MMUT: variants seen among roughly 807,000 people sequenced by gnomAD.
MMUT encodes the protein methylmalonyl-CoA mutase, mitochondrial.
Under a neutral mutation model 79.9 loss-of-function variants are expected in MMUT, and 79 were observed. The observed-to-expected ratio is 0.99, with a 90% CI of 0.82 to 1.19. MMUT has a LOEUF of 1.19. Ranked by LOEUF, MMUT falls within the 50% of genes most tolerant of loss-of-function variation. MMUT has a pLI of 0.00. For missense variants in MMUT, 860 were observed against 917.2 expected, an observed-to-expected ratio of 0.94 and a Z score of 0.81; for synonymous variants, 273 against 295.7, an observed-to-expected ratio of 0.92 and a Z score of 0.79.
chr6:49,453,925 A>T (rs1436792727), intron 4 of MMUT, among the ~76,000 whole-genome samples, 169 bp from the exon 5 acceptor site: 4 of 152,242 alleles, frequency 2.6e-5, no homozygotes, highest in Non-Finnish European at 5.9e-5. Context: ...TAAACCTAAC[A>T]TAAAATTACA....
At chr6:49,439,531 C>A (rs1015376859) in intron 11 of MMUT, among the ~76,000 whole-genome samples, 2 of 152,100 alleles carry the variant, frequency 1.3e-5, no homozygotes, top group Non-Finnish European at 2.9e-5. Flanking sequence ...ATTCTGGACC[C>A]CACTCAAAAC....
At chr6:49,444,387 T>G (rs1767355176) in intron 9 of MMUT, among the ~76,000 whole-genome samples, 1 of 152,110 alleles carries the variant, frequency 6.6e-6, no homozygotes, top group South Asian at 2.1e-4. Context: ...ATCAGTGAAA[T>G]GGATTCATTT....
chr6:49,444,770 A>G lies in MMUT; in HGVS notation c.1561-16T>C. The G allele has an allele frequency of 6.3e-7, 1 of 1,578,368 alleles. No homozygotes were observed. ...TGGATTTGATCTATGGAAAAAGTCA[A>G]GGAAAGGGACAATTTACATGAAGAG... On this transcript the variant is annotated splice_polypyrimidine_tract_variant and intron_variant, in intron 8 of 12. Coordinates refer to ENST00000274813, the MANE Select transcript of MMUT (RefSeq NM_000255.4).
In MMUT at chr6:49,431,776, C is replaced by T. The variant is rs756952588; in HGVS notation, c.2205G>A (p.Val735=). The T allele has an allele frequency of 1.9e-6, 3 of 1,613,986 alleles. No individual in the cohort carries two copies. Among genetic ancestry groups the T allele is most frequent in the Admixed American group, 1.7e-5 (1 of 60,014 alleles). ...CCAAACACTTCTCAATATCATCAAGCACCTGAACGGCAGCCTTTGGAATTC... is the reference window on the plus strand; with the variant it reads ...CCAAACACTTCTCAATATCATCAAGTACCTGAACGGCAGCCTTTGGAATTC... ...GTRIPKAAVQ[V]LDDIEKCLEK... Residue 735 remains valine, a synonymous_variant, in exon 13 of 13, where the codon GTG becomes GTA. Coordinates refer to ENST00000274813, the MANE Select transcript of MMUT (RefSeq NM_000255.4).
rs577538966 is a variant in MMUT, at chr6:49,452,525, G to A, written c.1084-811C>T. On this transcript the variant is annotated intron_variant, in intron 5 of 12. Transcript: ENST00000274813. ...TTTTTTTGTATTTTTAGTAGAGACGGGGTTTCACCATGTTAGCCAGGATGA... is the reference window on the plus strand; with the variant it reads ...TTTTTTTGTATTTTTAGTAGAGACGAGGTTTCACCATGTTAGCCAGGATGA... 9.9e-5 allele frequency among the ~76,000 whole-genome samples: 15 copies of A among 152,060 alleles called. No homozygotes were observed. In the East Asian group the frequency reaches 2.1e-3, roughly 22 times the overall value.
Position 49,441,969 on chromosome 6 carries a change from C to A in MMUT, c.1679G>T (p.Cys560Phe), listed in dbSNP as rs1238333040. 6.2e-7 allele frequency: 1 copy of A among 1,608,866 alleles called. No homozygotes were observed. Among genetic ancestry groups the A allele is most frequent in the Non-Finnish European group, 8.5e-7 (1 of 1,175,986 alleles). ...ALAVDASRAR[C>F]TVGEITDALK... ...GGCATCTGTGATTTCTCCCACTGTA[C>A]ATCTGAAACATGAAATGGTGGTTCC... Residue 560 changes from cysteine (C) to phenylalanine (F), a missense_variant and splice_region_variant, in exon 10 of 13, where the codon TGT (cysteine) becomes TTT (phenylalanine). Transcript: ENST00000274813.
intron 2 of MMUT, among the ~76,000 whole-genome samples, chr6:49,458,519 T>C (rs1327463169): frequency 6.6e-6 from 1 of 152,224 alleles, no homozygotes; most frequent in East Asian, 1.9e-4. Flanking sequence ...ATGACCATCG[T>C]ACAAAATTTT....
intron 11 of MMUT, among the ~76,000 whole-genome samples, chr6:49,438,421 T>C (rs1412425943): frequency 6.6e-6 from 1 of 152,176 alleles, no homozygotes; most frequent in Non-Finnish European, 1.5e-5. Flanking sequence ...CAAAACACTT[T>C]TCACCAATCC....
At chr6:49,431,948 C>A in intron 12 of MMUT, 92 bp from the exon 13 acceptor site, 3 of 1,439,456 alleles carry the variant, frequency 2.1e-6, no homozygotes, top group East Asian at 4.7e-5. Flanking sequence ...ACTCAATTAC[C>A]CAAAACCTTC....
chr6:49,456,400 T>A (rs1767691609), intron 3 of MMUT, among the ~76,000 whole-genome samples, 163 bp from the exon 4 acceptor site: 1 of 152,238 alleles, frequency 6.6e-6, no homozygotes, highest in African/African-American at 2.4e-5. Flanking sequence ...TTGTTACATT[T>A]AATTTGCTTT....
chr6:49,438,860 T>A (rs1265859659), intron 11 of MMUT, among the ~76,000 whole-genome samples: 1 of 152,122 alleles, frequency 6.6e-6, no homozygotes, highest in African/African-American at 2.4e-5. Context: ...CTTTCTCCCG[T>A]GGTGGATGCT....
Position 49,453,869 on chromosome 6 carries a change from G to A in MMUT, c.912-113C>T, listed in dbSNP as rs911103457. 10 of 906,334 alleles carry A rather than the reference G, an allele frequency of 1.1e-5. No homozygotes were observed. In the African/African-American group the frequency reaches 1.7e-4, roughly 15 times the overall value. 56.1% of individuals were successfully genotyped at this position (906,334 alleles called of 1,614,324 possible). On this transcript the variant is annotated intron_variant, in intron 4 of 12. Coordinates refer to ENST00000274813, the MANE Select transcript of MMUT (RefSeq NM_000255.4). ...TCAAGGTCTATATTTTAATTTCGAA[G>A]AACTTAATTTGAATTAAGATCAGTG...
intron 10 of MMUT, 129 bp from the exon 11 acceptor site, chr6:49,440,482 T>G: frequency 1.9e-6 from 2 of 1,058,206 alleles, no homozygotes; most frequent in Non-Finnish European, 2.7e-6. Flanking sequence ...ACTTGTATTT[T>G]GGGTTGTTTT....
chr6:49,459,536 T>G, intron 1 of MMUT, 31 bp from the exon 2 acceptor site: 1 of 1,531,334 alleles, frequency 6.5e-7, no homozygotes, highest in Non-Finnish European at 8.9e-7. Flanking sequence ...TAAAAACATT[T>G]AGAAGAGGGG....
At chr6:49,432,905 C>A (rs1767024018) in intron 12 of MMUT, among the ~76,000 whole-genome samples, 1 of 152,130 alleles carries the variant, frequency 6.6e-6, no homozygotes, top group Non-Finnish European at 1.5e-5. Context: ...TTTTTAAGAG[C>A]ACCCATTTCT....
intron 10 of MMUT, among the ~76,000 whole-genome samples, chr6:49,441,197 T>C (rs1289174507): frequency 6.6e-6 from 1 of 152,176 alleles, no homozygotes; most frequent in Non-Finnish European, 1.5e-5. Flanking sequence ...TTCTTACACT[T>C]GAGAAATATG....
chr6:49,432,361 AT>A (rs1767001844), intron 12 of MMUT, among the ~76,000 whole-genome samples: 1 of 150,432 alleles, frequency 6.6e-6, no homozygotes, highest in Non-Finnish European at 1.5e-5. Context: ...GTTGCTGTTG[AT>A]TTTTTTTAGT....
rs189627311 is a variant in MMUT, at chr6:49,432,337, T to G, written c.2125-481A>C. Reference sequence around the variant, plus strand: ...CTATAAATGAAAATAAGCCCATTTTTTTTTTCATTCTCTGTTGCTGTTGAT... The same window carrying G: ...CTATAAATGAAAATAAGCCCATTTTGTTTTTCATTCTCTGTTGCTGTTGAT... On this transcript the variant is annotated intron_variant, in intron 12 of 12. Transcript: ENST00000274813. Among the ~76,000 whole-genome samples, 1,198 of 152,316 alleles carry G rather than the reference T, an allele frequency of 7.9e-3. 16 individuals carry two copies. Among genetic ancestry groups the G allele is most frequent in the African/African-American group, 0.026 (1,091 of 41,558 alleles).
chr6:49,456,146 G>A lies in MMUT; in HGVS notation c.845C>T (p.Ala282Val). ...DAILELAYTL[A>V]DGLEYSRTGL... Reference sequence around the variant, plus strand: ...AGTTCTAGAGTACTCCAATCCATCTGCTAAAGTATAGGCCAGCTCCAGAAT... The same window carrying A: ...AGTTCTAGAGTACTCCAATCCATCTACTAAAGTATAGGCCAGCTCCAGAAT... Residue 282 changes from alanine to valine, a missense_variant, in exon 4 of 13, where the codon GCA becomes GTA. Physicochemically the swap from Ala to Val is moderately conservative, Grantham distance 64. Transcript: ENST00000274813. The A allele has an allele frequency of 2.5e-6, 4 of 1,612,668 alleles. No individual in the cohort carries two copies. In the South Asian group the frequency reaches 4.4e-5, roughly 18 times the overall value.
Sources: allele counts gnomAD v4.1 joint callset (sites outside exome capture counted in the v4.1 genomes callset), GRCh38; gene constraint gnomAD v4.1.1; transcripts MANE v1.5; gene names NCBI Gene and HGNC (gene_info 2026-07-23, HGNC 2026-07-21).